STXBP6: variants seen among roughly 807,000 people sequenced by gnomAD.
STXBP6 encodes the protein syntaxin binding protein 6, also known as syntaxin-binding protein 6.
STXBP6 carries 21 observed loss-of-function variants against 26.9 expected under a neutral mutation model. That is an observed-to-expected ratio of 0.78 (90% confidence interval 0.55 to 1.12). STXBP6 has a LOEUF of 1.12. Among genes scored for constraint, STXBP6 ranks in the 50% most tolerant of loss-of-function variants. The pLI, the probability that STXBP6 is intolerant of heterozygous loss-of-function variation, is 0.00. For synonymous variants in STXBP6, 97 were observed against 92.6 expected (o/e 1.05, Z -0.27); for missense variants, 232 against 257.9 (o/e 0.90, Z 0.69).
chr14:24,911,556 C>G (rs903130489), intron 2 of STXBP6, among the ~76,000 whole-genome samples: 12 of 152,148 alleles, frequency 7.9e-5, no homozygotes, highest in East Asian at 1.9e-4. Context: ...ACCAGCTTCT[C>G]AAAGTTGGAA....
intron 1 of STXBP6, among the ~76,000 whole-genome samples, chr14:25,025,210 T>A (rs1342756978): frequency 2.0e-5 from 3 of 152,194 alleles, no homozygotes; most frequent in African/African-American, 7.2e-5. Flanking sequence ...ACATTTTGTA[T>A]TTCCCACAAC....
At chr14:25,001,879 G>C (rs1302595770) in intron 1 of STXBP6, among the ~76,000 whole-genome samples, 2 of 152,200 alleles carry the variant, frequency 1.3e-5, no homozygotes, top group Non-Finnish European at 2.9e-5. Context: ...GAGGGCAGAC[G>C]ATAGCATTAT....
chr14:24,962,530 G>A (rs968164310), intron 2 of STXBP6, among the ~76,000 whole-genome samples: 5 of 151,788 alleles, frequency 3.3e-5, no homozygotes, highest in African/African-American at 9.7e-5. Flanking sequence ...GTTTCTCCAC[G>A]TTGGCCAGGC....
At chr14:24,858,854 A>C (rs11851539) in intron 2 of STXBP6, among the ~76,000 whole-genome samples, 3,758 of 152,266 alleles carry the variant, frequency 0.025, 151 homozygotes, top group African/African-American at 0.085. Context: ...TTTCAATAAC[A>C]GGAAAACATG....
chr14:24,900,686 C>T (rs1188721516), intron 2 of STXBP6, among the ~76,000 whole-genome samples: 1 of 152,144 alleles, frequency 6.6e-6, no homozygotes, highest in African/African-American at 2.4e-5. Context: ...GGTTTCTGGA[C>T]CCATCTCATG....
At chr14:25,020,752 C>T (rs2075247222) in intron 1 of STXBP6, among the ~76,000 whole-genome samples, 1 of 152,208 alleles carries the variant, frequency 6.6e-6, no homozygotes, top group African/African-American at 2.4e-5. Flanking sequence ...CCTTCTCACT[C>T]AGCTTCCTTT....
intron 2 of STXBP6, among the ~76,000 whole-genome samples, chr14:24,904,633 T>C (rs2071325432): frequency 6.6e-6 from 1 of 152,084 alleles, no homozygotes; most frequent in East Asian, 1.9e-4. Flanking sequence ...AGGAATGATA[T>C]CCTTGTAAGA....
chr14:24,924,517 T>C (rs1210415608), intron 2 of STXBP6, among the ~76,000 whole-genome samples: 1 of 151,662 alleles, frequency 6.6e-6, no homozygotes, highest in Non-Finnish European at 1.5e-5. Context: ...GCAAAGGGAG[T>C]AGTAAGGAAA....
At chr14:24,978,195 T>C (rs976594246) in intron 1 of STXBP6, among the ~76,000 whole-genome samples, 1 of 152,230 alleles carries the variant, frequency 6.6e-6, no homozygotes, top group Non-Finnish European at 1.5e-5. Flanking sequence ...GGAGAGCTTT[T>C]CAAAAACGCA....
intron 1 of STXBP6, among the ~76,000 whole-genome samples, chr14:25,022,890 C>G (rs1377122985): frequency 5.3e-5 from 8 of 152,174 alleles, no homozygotes; most frequent in Non-Finnish European, 1.2e-4. Flanking sequence ...AAATGAAATT[C>G]ATGATGTTCC....
chr14:24,877,546 T>C (rs2070190999), intron 2 of STXBP6, among the ~76,000 whole-genome samples: 1 of 152,148 alleles, frequency 6.6e-6, no homozygotes, highest in Non-Finnish European at 1.5e-5. Context: ...CCTCTTTTCC[T>C]TATTATTTTA....
chr14:24,870,317 C>A (rs1319406777), intron 2 of STXBP6, among the ~76,000 whole-genome samples: 1 of 152,044 alleles, frequency 6.6e-6, no homozygotes, highest in African/African-American at 2.4e-5. Context: ...TTCTATTGGC[C>A]CCTTCAAAAG....
chr14:24,880,101 T>C (rs910184767), intron 2 of STXBP6, among the ~76,000 whole-genome samples: 1 of 152,232 alleles, frequency 6.6e-6, no homozygotes, highest in Non-Finnish European at 1.5e-5. Flanking sequence ...GTTACTGAAC[T>C]GGCATCTGTC....
At chr14:25,044,170 CAAAAAAAAAAAAAAA>C (rs768658907) in intron 1 of STXBP6, among the ~76,000 whole-genome samples, 1 of 53,328 alleles carries the variant, frequency 1.9e-5, no homozygotes, top group Admixed American at 2.4e-4. Context: ...GACTCTGCCT[CAAAAAAAAAAAAAAA>C]AAAAAAAAAG....
chr14:24,844,921 G>C (rs1387395808), intron 4 of STXBP6, among the ~76,000 whole-genome samples: 1 of 152,062 alleles, frequency 6.6e-6, no homozygotes, highest in Non-Finnish European at 1.5e-5. Context: ...GGGGCATTAT[G>C]ATGATTTTAG....
At chr14:25,039,899 G>T (rs896049353) in intron 1 of STXBP6, among the ~76,000 whole-genome samples, 5 of 151,976 alleles carry the variant, frequency 3.3e-5, no homozygotes, top group Non-Finnish European at 7.4e-5. Context: ...AGTAGAGACA[G>T]GATTTCACCA....
intron 1 of STXBP6, among the ~76,000 whole-genome samples, chr14:24,976,915 T>A (rs1430336463): frequency 7.6e-6 from 1 of 131,160 alleles, no homozygotes; most frequent in African/African-American, 2.9e-5. Flanking sequence ...CAGGCTGGAG[T>A]GCAGTGGTAC....
At chr14:24,962,574 C>T (rs552145561) in intron 2 of STXBP6, among the ~76,000 whole-genome samples, 63 of 152,030 alleles carry the variant, frequency 4.1e-4, no homozygotes, top group African/African-American at 1.2e-3. Context: ...GTGATCCGCC[C>T]GCCTCAGCCT....
At chr14:24,842,966 G>T (rs1278343607) in intron 4 of STXBP6, among the ~76,000 whole-genome samples, 1 of 152,096 alleles carries the variant, frequency 6.6e-6, no homozygotes, top group African/African-American at 2.4e-5. Context: ...CAAAAGAGGG[G>T]AGTCACAATT....
Sources: allele counts gnomAD v4.1 joint callset (sites outside exome capture counted in the v4.1 genomes callset), GRCh38; gene constraint gnomAD v4.1.1; transcripts MANE v1.5; gene names NCBI Gene and HGNC (gene_info 2026-07-23, HGNC 2026-07-21).